The following DEAF1 variants were observed in gnomAD, a reference collection of about 807,000 sequenced individuals.
DEAF1 encodes DEAF1 transcription factor.
In DEAF1, 53 loss-of-function variants were observed where a neutral mutation model predicts 58.9. The observed-to-expected ratio is 0.90, with a 90% CI of 0.72 to 1.13. The LOEUF is 1.13. Ranked by LOEUF, DEAF1 falls within the 50% of genes most tolerant of loss-of-function variation. The pLI is 0.00. For synonymous variants in DEAF1, 385 were observed against 340.4 expected, an observed-to-expected ratio of 1.13 and a Z score of -1.44; for missense variants, 685 against 791.4, an observed-to-expected ratio of 0.87 and a Z score of 1.61.
intron 7 of DEAF1, chr11:680,183 C>T (rs571754344): frequency 5.8e-5 from 19 of 328,992 alleles, no homozygotes; most frequent in African/African-American, 2.6e-4. Flanking sequence ...AAAAAGCAGC[C>T]GTGTCCCACA....
At chr11:687,773 G>A in intron 4 of DEAF1, 138 bp downstream of exon 4, 2 of 1,120,494 alleles carry the variant, frequency 1.8e-6, no homozygotes, top group Non-Finnish European at 1.3e-6. Context: ...TGGTATTACA[G>A]GCATCAGCCA....
chr11:678,355 C>A, intron 9 of DEAF1: 2 of 362,406 alleles, frequency 5.5e-6, no homozygotes, highest in South Asian at 2.2e-5. Context: ...CTGGAGAGAC[C>A]AAGACCTGCC....
rs776527092 is a variant in DEAF1 at position 688,076 on chromosome 11, T to C, written c.518-19A>G. Reference sequence around the variant, plus strand: ...TGAGGACCTTGGGCAGAGAAAGTGTTTGAAGGTGAGAGGCCGGACACCGGG... The same window carrying C: ...TGAGGACCTTGGGCAGAGAAAGTGTCTGAAGGTGAGAGGCCGGACACCGGG... On this transcript the variant is annotated intron_variant, in intron 3 of 11. Coordinates refer to ENST00000382409, the MANE Select transcript of DEAF1 (RefSeq NM_021008.4). The surrounding 1 kb of genome is among the most constrained non-coding windows in gnomAD (Gnocchi z 4.3). 3.7e-6 allele frequency: 6 copies of C among 1,613,594 alleles called. No homozygotes were observed. In the South Asian group the frequency reaches 5.5e-5, roughly 15 times the overall value.
At chr11:666,809 T>C (rs907029570) in intron 10 of DEAF1, among the ~76,000 whole-genome samples, 2 of 127,992 alleles carry the variant, frequency 1.6e-5, no homozygotes, top group Non-Finnish European at 3.1e-5. Flanking sequence ...ACCTGGGAGG[T>C]AGAGCTTGCA....
intron 10 of DEAF1, among the ~76,000 whole-genome samples, chr11:657,495 CAAAT>C (rs1257834323): frequency 2.0e-5 from 3 of 152,114 alleles, no homozygotes; most frequent in South Asian, 2.1e-4. Flanking sequence ...AACAAATGAT[CAAAT>C]AAATAAATAC....
In DEAF1 at chr11:681,707, G is replaced by A. The variant is rs553374720; in HGVS notation, c.871-618C>T. Among the ~76,000 whole-genome samples, 11 of 152,040 alleles carry A rather than the reference G, an allele frequency of 7.2e-5. No individual in the cohort carries two copies. In the East Asian group the frequency reaches 2.1e-3, roughly 29 times the overall value. On this transcript the variant is annotated intron_variant, in intron 6 of 11. Coordinates refer to ENST00000382409, the MANE Select transcript of DEAF1 (RefSeq NM_021008.4). The stretch of plus-strand genomic sequence containing the variant: ...TTACAGGCGTGAGCCACCACGCCCG[G>A]CCGACTTTTTTTTTTAAATAATTTA...
chr11:679,790 T>C lies in DEAF1; in HGVS notation c.1024A>G (p.Thr342Ala), dbSNP rs2133380601. Residue 342 changes from threonine to alanine, a missense_variant, in exon 8 of 12, where the codon ACG becomes GCG. This residue lies in a region of DEAF1 where 343 missense variants were observed against 379.8 expected (regional missense o/e 0.90). Coordinates refer to ENST00000382409, the MANE Select transcript of DEAF1 (RefSeq NM_021008.4). Reference protein sequence around the residue: ...TFTVTPSGQITTSGALTFDRA... With the variant: ...TFTVTPSGQIATSGALTFDRA... ...TCAAAGGTCAGTGCCCCCGAGGTCG[T>C]GATCTGTCCCGAGGGGGTCACGGTG... 1 of 1,613,880 alleles carries C rather than the reference T, an allele frequency of 6.2e-7. No homozygotes were observed. The highest frequency in any genetic ancestry group is 8.5e-7 in the Non-Finnish European group (1 of 1,180,036).
intron 10 of DEAF1, among the ~76,000 whole-genome samples, chr11:668,333 G>A (rs973050918): frequency 6.6e-6 from 1 of 152,106 alleles, no homozygotes; most frequent in Non-Finnish European, 1.5e-5. Context: ...TACAGAAAAC[G>A]AAAACCAATG....
intron 10 of DEAF1, among the ~76,000 whole-genome samples, chr11:662,194 G>A (rs1859348132): frequency 5.3e-5 from 8 of 152,080 alleles, no homozygotes; most frequent in Admixed American, 4.6e-4. Context: ...CAAGAGAATC[G>A]CTTGATCCCG....
At chr11:655,048 AAAACAAACAAAC>A (rs202011316) in intron 10 of DEAF1, among the ~76,000 whole-genome samples, 4 of 151,156 alleles carry the variant, frequency 2.6e-5, no homozygotes, top group Non-Finnish European at 5.9e-5. Context: ...GACTGTCTCC[AAAACAAACAAAC>A]AAACAAACAA....
In DEAF1 at chr11:687,942, G is replaced by A. The variant is rs140896747; in HGVS notation, c.633C>T (p.Ser211=). ...SELPVRCRNI[S]GTLYKNRLGS... ...CGAGCCTGTTCTTGTACAGAGTGCC[G>A]CTGATGTTCCGGCACCGTACGGGCA... is the stretch of plus-strand genomic sequence containing the variant. The change falls in exon 4 of 12, where the codon AGC becomes AGT. Residue 211 remains serine, a synonymous_variant. Transcript: ENST00000382409. 49 of 1,613,990 alleles carry A rather than the reference G, an allele frequency of 3.0e-5. 1 individual carries two copies. In the Middle Eastern group the frequency reaches 4.8e-3, roughly 157 times the overall value.
intron 10 of DEAF1, among the ~76,000 whole-genome samples, chr11:663,003 A>G (rs181563562): frequency 6.6e-6 from 1 of 152,282 alleles, no homozygotes; most frequent in East Asian, 1.9e-4. Context: ...GAAAGGGATG[A>G]TATTTGGCTT....
chr11:661,759 C>CCCT (rs778913837), intron 10 of DEAF1, among the ~76,000 whole-genome samples: 3 of 152,156 alleles, frequency 2.0e-5, no homozygotes, highest in Non-Finnish European at 4.4e-5. Flanking sequence ...GTCACGCCTG[C>CCCT]CCTCCCACTG....
chr11:656,839 C>G (rs1021521447), intron 10 of DEAF1, among the ~76,000 whole-genome samples: 1 of 152,210 alleles, frequency 6.6e-6, no homozygotes, highest in Non-Finnish European at 1.5e-5. Context: ...ACCACTTGGG[C>G]CTTTCGCGGT....
At chr11:657,866 G>A (rs1859133754) in intron 10 of DEAF1, among the ~76,000 whole-genome samples, 1 of 152,186 alleles carries the variant, frequency 6.6e-6, no homozygotes, top group South Asian at 2.1e-4. Flanking sequence ...AGGCCTGAGG[G>A]TGCTGGGCAA....
At chr11:685,740 G>C (rs1386344291) in intron 5 of DEAF1, among the ~76,000 whole-genome samples, 1 of 152,078 alleles carries the variant, frequency 6.6e-6, no homozygotes, top group Non-Finnish European at 1.5e-5. Context: ...CCCAGGCCAG[G>C]TGTGGTGGCT....
At chr11:703,184 C>T (rs1861579240) in intron 1 of DEAF1, 2 of 1,574,152 alleles carry the variant, frequency 1.3e-6, no homozygotes, top group African/African-American at 2.7e-5. Context: ...CACTGGGGCC[C>T]TCCTCCTGGG....
At chr11:704,057 A>G (rs1861617233) in intron 1 of DEAF1, 1 of 1,152,948 alleles carries the variant, frequency 8.7e-7, no homozygotes. Context: ...GTTTGGAATA[A>G]TTACACCCAA....
chr11:694,678 C>A, intron 1 of DEAF1, 81 bp downstream of exon 1: 2 of 1,244,286 alleles, frequency 1.6e-6, no homozygotes, highest in Non-Finnish European at 2.0e-6. Context: ...GGGCTGGTCA[C>A]CTGGGACAGT....
Sources: gnomAD v4.1 joint callset for allele counts (sites outside exome capture counted in the v4.1 genomes callset) on GRCh38, gnomAD v4.1.1 for gene constraint, gnomAD v4.1.1 regional missense constraint, Gnocchi (gnomAD v3.1) non-coding constraint, MANE v1.5 for transcripts, NCBI Gene and HGNC (gene_info 2026-07-23, HGNC 2026-07-21) for gene names.